GLI2: variants seen among roughly 807,000 people sequenced by gnomAD.
GLI2 encodes GLI family zinc finger 2.
GLI2 carries 22 observed loss-of-function variants against 78.9 expected under a neutral mutation model. The observed-to-expected ratio is 0.28, with a 90% CI of 0.20 to 0.40. GLI2 has a LOEUF of 0.40. Ranked by LOEUF, GLI2 falls within the 10% of genes least tolerant of loss-of-function variation. The probability of loss-of-function intolerance (pLI) is 1.00; values close to 1 mark genes in which losing one functional copy is unlikely to be tolerated. For missense variants in GLI2, 2,097 were observed against 2,213.2 expected (o/e 0.95, Z 1.05); for synonymous variants, 974 against 963.7 (o/e 1.01, Z -0.20).
intron 10 of GLI2, among the ~76,000 whole-genome samples, chr2:120,980,016 A>G (rs1682644024): frequency 6.6e-6 from 1 of 152,248 alleles, no homozygotes; most frequent in African/African-American, 2.4e-5. Context: ...TTGTATGGAT[A>G]GACCATGTTT....
chr2:120,933,004 C>T (rs1214477622), intron 3 of GLI2, among the ~76,000 whole-genome samples: 2 of 152,110 alleles, frequency 1.3e-5, no homozygotes, highest in Non-Finnish European at 2.9e-5. Flanking sequence ...GATTTATTTT[C>T]AGGCAGCTAC....
chr2:120,912,421 T>C (rs1235179176), intron 2 of GLI2, among the ~76,000 whole-genome samples: 1 of 152,128 alleles, frequency 6.6e-6, no homozygotes, highest in African/African-American at 2.4e-5. Context: ...GTGTCTCAGT[T>C]TCTGAACCAA....
chr2:120,777,887 A>T (rs1016407439), intron 1 of GLI2, among the ~76,000 whole-genome samples: 23 of 151,830 alleles, frequency 1.5e-4, no homozygotes, highest in African/African-American at 5.6e-4. Context: ...ATTGCACCCC[A>T]GGCTGGGGTG....
chr2:120,862,612 C>T (rs932875133), intron 2 of GLI2, among the ~76,000 whole-genome samples: 17 of 152,100 alleles, frequency 1.1e-4, no homozygotes, highest in South Asian at 2.1e-4. Flanking sequence ...GTAGGTGGGC[C>T]GGTGAGGGTG....
At chr2:120,811,232 C>A (rs1313024967) in intron 2 of GLI2, among the ~76,000 whole-genome samples, 1 of 152,170 alleles carries the variant, frequency 6.6e-6, no homozygotes, top group Non-Finnish European at 1.5e-5. Context: ...CCGGAGAGGC[C>A]TGGGCACCTG....
intron 2 of GLI2, among the ~76,000 whole-genome samples, chr2:120,880,555 C>T (rs575487217): frequency 2.0e-5 from 3 of 152,272 alleles, no homozygotes; most frequent in Non-Finnish European, 4.4e-5. Context: ...AACCAGGTCA[C>T]ATCTGTGGTC....
At chr2:120,896,674 C>CG (rs1467203470) in intron 2 of GLI2, among the ~76,000 whole-genome samples, 2 of 145,870 alleles carry the variant, frequency 1.4e-5, no homozygotes, top group Admixed American at 6.9e-5. Flanking sequence ...CACCCACCCC[C>CG]CCACACACTC....
In GLI2 at chr2:120,819,155, TGACCTCCA is replaced by T. The variant is rs1333130330; in HGVS notation, c.148+21690_148+21697del. 2.0e-5 allele frequency among the ~76,000 whole-genome samples: 3 copies of T among 151,792 alleles called. No homozygotes were observed. In the East Asian group the frequency reaches 5.8e-4, roughly 29 times the overall value. On this transcript the variant is annotated intron_variant, in intron 2 of 13. Coordinates refer to ENST00000361492, the MANE Select transcript of GLI2 (RefSeq NM_001374353.1). ...GGTAGAGTTGCCTTTTAGGAGTGAGTGACCTCCAGATGGGTGAGGTTTGTGTTGCACTT... is the reference window on the plus strand; with the variant it reads ...GGTAGAGTTGCCTTTTAGGAGTGAGTGATGGGTGAGGTTTGTGTTGCACTT...
chr2:120,845,521 C>T (rs1687074982), intron 2 of GLI2, among the ~76,000 whole-genome samples: 1 of 152,196 alleles, frequency 6.6e-6, no homozygotes, highest in Non-Finnish European at 1.5e-5. Context: ...CTGGGGCTGG[C>T]TGCCTCCAGT....
chr2:120,765,408 G>A (rs143996626), intron 1 of GLI2, among the ~76,000 whole-genome samples: 2 of 152,366 alleles, frequency 1.3e-5, no homozygotes, highest in Non-Finnish European at 2.9e-5. Flanking sequence ...ATGAATAAGT[G>A]GCTAAAGAGC....
In GLI2 at chr2:120,916,177, A is replaced by T. The variant is rs1679087448; in HGVS notation, c.149-11184A>T. On this transcript the variant is annotated intron_variant, in intron 2 of 13. Transcript: ENST00000361492. ...GGCAACAGGGCCCAGCAACAGCCTG[A>T]GAAACCCCGATATCAGGGCTTAGTG... 2.6e-5 allele frequency among the ~76,000 whole-genome samples: 4 copies of T among 152,352 alleles called. No homozygotes were observed. In the South Asian group the frequency reaches 8.3e-4, roughly 32 times the overall value.
chr2:120,898,032 TGTGATTTTCAGTGAAGGGGGACCACAG>T (rs1678063782), intron 2 of GLI2, among the ~76,000 whole-genome samples: 3 of 152,018 alleles, frequency 2.0e-5, no homozygotes, highest in Admixed American at 1.3e-4. Context: ...GTTGATACAC[TGTGATTTTCAGTGAAGGGGGACCACAG>T]GTCCCCTTCA....
intron 2 of GLI2, chr2:120,867,010 G>GA (rs1277347969): frequency 6.6e-6 from 1 of 152,268 alleles, no homozygotes; most frequent in Non-Finnish European, 1.5e-5. Flanking sequence ...AGCCGGCTCA[G>GA]AAGGTGCACA....
intron 2 of GLI2, among the ~76,000 whole-genome samples, chr2:120,906,564 G>T (rs369776997): frequency 6.6e-6 from 1 of 151,876 alleles, no homozygotes; most frequent in East Asian, 1.9e-4. Flanking sequence ...GTACAATCTC[G>T]TCCTCCTTCA....
At chr2:120,872,659 T>C (rs143258076) in intron 2 of GLI2, among the ~76,000 whole-genome samples, 3 of 152,300 alleles carry the variant, frequency 2.0e-5, no homozygotes, top group African/African-American at 7.2e-5. Flanking sequence ...CAGATTGGAG[T>C]CCAGGTGTCG....
At chr2:120,941,692 C>T (rs1366037691) in intron 3 of GLI2, among the ~76,000 whole-genome samples, 3 of 152,204 alleles carry the variant, frequency 2.0e-5, no homozygotes, top group Admixed American at 6.5e-5. Context: ...TGAGCAGCTC[C>T]GCAACAGCAA....
chr2:120,890,892 G>A (rs988197437), intron 2 of GLI2, among the ~76,000 whole-genome samples: 1 of 152,144 alleles, frequency 6.6e-6, no homozygotes, highest in African/African-American at 2.4e-5. Context: ...CAGGTAGTGG[G>A]GAGGAGAGAG....
chr2:120,951,222 G>A (rs767375449), intron 3 of GLI2, 21 bp from the exon 4 acceptor site: 62 of 1,441,500 alleles, frequency 4.3e-5, no homozygotes, highest in Non-Finnish European at 5.5e-5. Flanking sequence ...CTTCTTAGAC[G>A]GCTGCCCATT....
intron 5 of GLI2, among the ~76,000 whole-genome samples, chr2:120,959,745 G>A (rs1226379002): frequency 1.3e-5 from 2 of 152,066 alleles, no homozygotes; most frequent in Non-Finnish European, 2.9e-5. Context: ...TGCTCCATGG[G>A]TCTGTGCCAG....
Sources: gnomAD v4.1 joint callset for allele counts (sites outside exome capture counted in the v4.1 genomes callset) on GRCh38, gnomAD v4.1.1 for gene constraint, MANE v1.5 for transcripts, NCBI Gene and HGNC (gene_info 2026-07-23, HGNC 2026-07-21) for gene names.